The following RNF130 variants were observed in gnomAD, a reference collection of about 807,000 sequenced individuals.
RNF130 encodes the protein E3 ubiquitin-protein ligase RNF130.
A neutral mutation model predicts 44.6 loss-of-function variants in RNF130; 21 were observed. That is an observed-to-expected ratio of 0.47 (90% CI 0.33 to 0.68). The LOEUF is 0.68. RNF130 is among the 30% of genes least tolerant of loss of function. The probability of loss-of-function intolerance (pLI) is 0.02; values close to 1 mark genes in which losing one functional copy is unlikely to be tolerated. For synonymous variants in RNF130, 214 were observed against 210.4 expected, an observed-to-expected ratio of 1.02 and a Z score of -0.15; for missense variants, 479 against 560.6, an observed-to-expected ratio of 0.85 and a Z score of 1.47.
chr5:179,988,667 G>A (rs887814246), intron 3 of RNF130, among the ~76,000 whole-genome samples: 1 of 152,172 alleles, frequency 6.6e-6, no homozygotes, highest in Non-Finnish European at 1.5e-5. Flanking sequence ...TTATGGCAGT[G>A]ATCATGTTGT....
At chr5:179,979,791 A>G (rs1295267624) in intron 4 of RNF130, among the ~76,000 whole-genome samples, 1 of 152,206 alleles carries the variant, frequency 6.6e-6, no homozygotes, top group Admixed American at 6.5e-5. Context: ...GCAGGTCTTC[A>G]ACTCTCCATG....
chr5:179,939,507 C>T, intron 7 of RNF130: 1 of 226,776 alleles, frequency 4.4e-6, no homozygotes, highest in Non-Finnish European at 8.7e-6. Context: ...TTATGCTGGC[C>T]GTCTTCTCCC....
chr5:179,978,195 T>A lies in RNF130; in HGVS notation c.848+8A>T, dbSNP rs779007400. 5 of 1,602,816 alleles carry A rather than the reference T, an allele frequency of 3.1e-6. No individual in the cohort carries two copies. The highest frequency in any genetic ancestry group is 3.4e-6 in the Non-Finnish European group (4 of 1,169,692). ...TCATTCTTTCTCAAACAAATGAAGTTGACATACTTGCAGGGGAGAATTCGG... is the reference window on the plus strand; with the variant it reads ...TCATTCTTTCTCAAACAAATGAAGTAGACATACTTGCAGGGGAGAATTCGG... On this transcript the variant is annotated splice_region_variant and intron_variant, in intron 5 of 8. Transcript: ENST00000521389.
chr5:179,932,509 C>T (rs1035016434), intron 7 of RNF130, among the ~76,000 whole-genome samples: 3 of 152,056 alleles, frequency 2.0e-5, no homozygotes, highest in Non-Finnish European at 4.4e-5. Flanking sequence ...ATCCGCCCGC[C>T]TCAGCCTTCC....
intron 3 of RNF130, among the ~76,000 whole-genome samples, chr5:179,997,861 G>A (rs1357961597): frequency 6.6e-6 from 1 of 151,242 alleles, no homozygotes; most frequent in African/African-American, 2.4e-5. Context: ...CTTGTTTTTT[G>A]AGACAGAGTC....
chr5:180,001,372 T>C (rs1463825073), intron 3 of RNF130, among the ~76,000 whole-genome samples: 1 of 152,170 alleles, frequency 6.6e-6, no homozygotes. Context: ...GACCATGTCC[T>C]AGGCTCAGAG....
chr5:180,028,049 A>AC (rs557259788), intron 2 of RNF130, among the ~76,000 whole-genome samples: 13 of 152,098 alleles, frequency 8.5e-5, no homozygotes, highest in Admixed American at 7.2e-4. Flanking sequence ...TACCCTATCC[A>AC]CCATGTTGAG....
intron 1 of RNF130, among the ~76,000 whole-genome samples, chr5:180,060,931 A>T (rs569874072): frequency 1.3e-3 from 194 of 151,974 alleles, no homozygotes; most frequent in African/African-American, 4.4e-3. Context: ...TAGCTGGGCG[A>T]GGTAGTGGGC....
At chr5:179,940,491 C>G (rs1235281509) in intron 7 of RNF130, among the ~76,000 whole-genome samples, 1 of 152,122 alleles carries the variant, frequency 6.6e-6, no homozygotes, top group African/African-American at 2.4e-5. Context: ...CCCGCTTTGG[C>G]CTCCCAAAGT....
At chr5:180,008,078 C>G (rs868626946) in intron 3 of RNF130, among the ~76,000 whole-genome samples, 1 of 142,168 alleles carries the variant, frequency 7.0e-6, no homozygotes, top group East Asian at 2.1e-4. Context: ...ACATGAGAAA[C>G]GGGTGGTGGC....
At chr5:180,054,290 A>T (rs951363711) in intron 1 of RNF130, among the ~76,000 whole-genome samples, 1 of 152,182 alleles carries the variant, frequency 6.6e-6, no homozygotes, top group Non-Finnish European at 1.5e-5. Context: ...AAACTTAAAA[A>T]ATGATACAAT....
intron 5 of RNF130, among the ~76,000 whole-genome samples, chr5:179,971,955 T>C (rs1762596046): frequency 6.6e-6 from 1 of 152,184 alleles, no homozygotes; most frequent in South Asian, 2.1e-4. Context: ...AATGAATTTA[T>C]CAATCTAGTC....
At chr5:180,020,633 A>C (rs912669405) in intron 2 of RNF130, among the ~76,000 whole-genome samples, 1 of 152,178 alleles carries the variant, frequency 6.6e-6, no homozygotes. Flanking sequence ...GAAGTTCTTC[A>C]ATCACATACA....
At chr5:179,994,930 T>G (rs1763170522) in intron 3 of RNF130, among the ~76,000 whole-genome samples, 2 of 152,068 alleles carry the variant, frequency 1.3e-5, no homozygotes, top group Admixed American at 1.3e-4. Context: ...CAGGGAAAGC[T>G]CAGTGGTTTG....
intron 3 of RNF130, among the ~76,000 whole-genome samples, chr5:179,990,297 T>C (rs764027868): frequency 6.6e-6 from 1 of 152,178 alleles, no homozygotes; most frequent in African/African-American, 2.4e-5. Context: ...GGCCCTTCCC[T>C]GTTAGGTAGC....
chr5:180,012,299 G>A (rs530971568), intron 3 of RNF130, among the ~76,000 whole-genome samples: 1 of 152,252 alleles, frequency 6.6e-6, no homozygotes, highest in Admixed American at 6.5e-5. Flanking sequence ...TACAAAAACT[G>A]GCTTCAAATC....
chr5:179,979,173 T>C (rs1045790573), intron 4 of RNF130, among the ~76,000 whole-genome samples: 2 of 151,928 alleles, frequency 1.3e-5, no homozygotes, highest in Admixed American at 6.6e-5. Context: ...CAAGAAGGCA[T>C]CTACACTGTC....
At chr5:179,999,210 C>T (rs990025272) in intron 3 of RNF130, among the ~76,000 whole-genome samples, 1 of 151,244 alleles carries the variant, frequency 6.6e-6, no homozygotes, top group Admixed American at 6.6e-5. Context: ...TTAGTAGAGA[C>T]AGGGTTTCAC....
In RNF130 at chr5:179,966,975, A is replaced by G. The variant is rs1418692804; in HGVS notation, c.981T>C (p.Asp327=). 2 of 1,614,204 alleles carry G rather than the reference A, an allele frequency of 1.2e-6. No homozygotes were observed. The highest frequency in any genetic ancestry group is 1.7e-6 in the Non-Finnish European group (2 of 1,180,022). The change falls in exon 7 of 9, where the codon GAT becomes GAC. Residue 327 remains aspartate (D), a synonymous_variant. Transcript: ENST00000521389. ...NLPCTDNVAF[D]MERLTRTQAV... Reference sequence around the variant, plus strand: ...CTTGGGTTCTGGTGAGCCTTTCCATATCGAATGCTACGTTATCAGTACATG... The same window carrying G: ...CTTGGGTTCTGGTGAGCCTTTCCATGTCGAATGCTACGTTATCAGTACATG...
Sources: allele counts gnomAD v4.1 joint callset (sites outside exome capture counted in the v4.1 genomes callset), GRCh38; gene constraint gnomAD v4.1.1; transcripts MANE v1.5; gene names NCBI Gene and HGNC (gene_info 2026-07-23, HGNC 2026-07-21).